Variants in ANKS1B observed in about 807,000 individuals in gnomAD.
ANKS1B encodes ankyrin repeat and sterile alpha motif domain containing 1B, also known as ankyrin repeat and sterile alpha motif domain-containing protein 1B.
In ANKS1B, 36 loss-of-function variants were observed where a neutral mutation model predicts 148.3. The ratio of observed to expected loss-of-function variants is 0.24; its 90% CI spans 0.19 to 0.32. The LOEUF is 0.32. Among genes scored for constraint, ANKS1B ranks in the 10% least tolerant of loss-of-function variants. ANKS1B has a pLI of 1.00. For missense variants in ANKS1B, 1,157 were observed against 1,542.6 expected (o/e 0.75, Z 4.19); for synonymous variants, 542 against 560.8 (o/e 0.97, Z 0.47).
intron 9 of ANKS1B, among the ~76,000 whole-genome samples, chr12:99,581,392 TA>T (rs1384351224): frequency 3.3e-5 from 5 of 152,042 alleles, no homozygotes; most frequent in Non-Finnish European, 7.4e-5. Flanking sequence ...ACACCATATA[TA>T]AAAAAGTAAC....
At chr12:98,812,873 G>A (rs977073676) in intron 19 of ANKS1B, among the ~76,000 whole-genome samples, 3 of 152,048 alleles carry the variant, frequency 2.0e-5, no homozygotes, top group East Asian at 3.9e-4. Context: ...TTAAAAAATC[G>A]GATGCATTCC....
intron 9 of ANKS1B, among the ~76,000 whole-genome samples, chr12:99,619,343 C>A (rs12308308): frequency 0.015 from 2,336 of 152,062 alleles, 53 homozygotes; most frequent in African/African-American, 0.053. Context: ...TACAGTGGGG[C>A]CCTCTCTATT....
At chr12:99,328,777 C>T (rs908262202) in intron 12 of ANKS1B, among the ~76,000 whole-genome samples, 17 of 151,714 alleles carry the variant, frequency 1.1e-4, no homozygotes, top group Non-Finnish European at 1.8e-4. Context: ...ATATAATAAT[C>T]AAATTTGAAC....
rs567922828 is a variant in ANKS1B at position 99,312,695 on chromosome 12, G to T, written c.1757-65831C>A. 3.3e-5 allele frequency among the ~76,000 whole-genome samples: 5 copies of T among 152,086 alleles called. No homozygotes were observed. The East Asian group carries it at 5.8e-4, about 18-fold the overall frequency. On this transcript the variant is annotated intron_variant, in intron 12 of 26. Coordinates refer to ENST00000683438, the MANE Select transcript of ANKS1B (RefSeq NM_001352186.2). Reference sequence around the variant, plus strand: ...ATATTTTTACCACAGACAAGTCAAGGGTAAGGGTATTTATGACCCTCTATA... The same window carrying T: ...ATATTTTTACCACAGACAAGTCAAGTGTAAGGGTATTTATGACCCTCTATA...
intron 8 of ANKS1B, among the ~76,000 whole-genome samples, chr12:99,670,088 T>C (rs80157406): frequency 0.12 from 18,825 of 152,050 alleles, 1,759 homozygotes; most frequent in East Asian, 0.46. Context: ...CCTTTAAAGG[T>C]TTGACAAAAA....
chr12:99,092,199 T>C (rs1456263302), intron 15 of ANKS1B, among the ~76,000 whole-genome samples: 1 of 152,162 alleles, frequency 6.6e-6, no homozygotes. Context: ...ACTTCTCTTT[T>C]GAAGTGTGGT....
chr12:99,789,544 A>AAAGAAATTCAAGATAACACAGAG (rs2065385209), intron 4 of ANKS1B, among the ~76,000 whole-genome samples: 1 of 152,234 alleles, frequency 6.6e-6, no homozygotes, highest in Non-Finnish European at 1.5e-5. Context: ...GAGGAAACTC[A>AAAGAAATTCAAGATAACACAGAG]AAGAAATTCA....
chr12:99,314,595 T>C (rs2154027617), intron 12 of ANKS1B, among the ~76,000 whole-genome samples: 1 of 151,940 alleles, frequency 6.6e-6, no homozygotes, highest in South Asian at 2.1e-4. Context: ...ACAGAACAGA[T>C]ACCTCAGTAA....
chr12:99,850,293 C>CCCTCTCTCTCTCTCTCTA (rs2087545503), intron 1 of ANKS1B, among the ~76,000 whole-genome samples: 1 of 151,042 alleles, frequency 6.6e-6, no homozygotes, highest in Non-Finnish European at 1.5e-5. Context: ...CTCTCTCTCT[C>CCCTCTCTCTCTCTCTCTA]TCTCTCTCTC....
intron 9 of ANKS1B, among the ~76,000 whole-genome samples, chr12:99,577,907 T>G (rs1375398024): frequency 1.3e-5 from 2 of 151,940 alleles, no homozygotes; most frequent in African/African-American, 4.8e-5. Context: ...AACCAAAACC[T>G]GACAGAGACG....
intron 8 of ANKS1B, among the ~76,000 whole-genome samples, chr12:99,684,939 A>C (rs531436655): frequency 1.3e-5 from 2 of 152,316 alleles, no homozygotes; most frequent in South Asian, 4.1e-4. Flanking sequence ...AGACGAATCA[A>C]AGACTTAAAT....
intron 14 of ANKS1B, among the ~76,000 whole-genome samples, chr12:99,199,692 C>G (rs893027323): frequency 6.6e-6 from 1 of 151,938 alleles, no homozygotes; most frequent in East Asian, 1.9e-4. Flanking sequence ...AGAAATATAC[C>G]TTTTTGGGCC....
chr12:98,808,066 G>T (rs1314369109), intron 19 of ANKS1B, 148 bp from the exon 20 acceptor site: 1 of 588,542 alleles, frequency 1.7e-6, no homozygotes, highest in Non-Finnish European at 2.9e-6. Context: ...GGTGCTCAAG[G>T]TTTAATAATT....
At chr12:99,614,090 G>A (rs939338821) in intron 9 of ANKS1B, among the ~76,000 whole-genome samples, 17 of 151,076 alleles carry the variant, frequency 1.1e-4, no homozygotes, top group African/African-American at 3.7e-4. Context: ...TCTTCACAAC[G>A]TCTCTCAGAT....
At chr12:99,812,479 A>T (rs552491213) in intron 2 of ANKS1B, among the ~76,000 whole-genome samples, 168 bp from the exon 3 acceptor site, 2 of 148,720 alleles carry the variant, frequency 1.3e-5, no homozygotes, top group African/African-American at 4.9e-5. Flanking sequence ...ACATTTGGCT[A>T]TTTTACTTAC....
chr12:99,067,013 G>A (rs1242622610), intron 16 of ANKS1B, among the ~76,000 whole-genome samples: 1 of 152,200 alleles, frequency 6.6e-6, no homozygotes, highest in Admixed American at 6.5e-5. Context: ...AATAATAGAT[G>A]AGTATCAGAG....
chr12:99,805,729 AT>A (rs940711282), intron 4 of ANKS1B, among the ~76,000 whole-genome samples: 3 of 152,020 alleles, frequency 2.0e-5, no homozygotes, highest in Non-Finnish European at 2.9e-5. Context: ...TCCAAATCCT[AT>A]TCTTCCTACA....
chr12:99,924,686 A>G (rs1411613515), intron 1 of ANKS1B, among the ~76,000 whole-genome samples: 1 of 152,154 alleles, frequency 6.6e-6, no homozygotes, highest in Non-Finnish European at 1.5e-5. Flanking sequence ...AATGACTTGC[A>G]TCTTCCACTA....
At chr12:99,481,095 G>A (rs1209183068) in intron 10 of ANKS1B, among the ~76,000 whole-genome samples, 2 of 151,252 alleles carry the variant, frequency 1.3e-5, no homozygotes, top group African/African-American at 2.4e-5. Flanking sequence ...GAATTATATA[G>A]TGGTGAATTC....
Sources: allele counts gnomAD v4.1 joint callset (sites outside exome capture counted in the v4.1 genomes callset), GRCh38; gene constraint gnomAD v4.1.1; transcripts MANE v1.5; gene names NCBI Gene and HGNC (gene_info 2026-07-23, HGNC 2026-07-21).